The following RABGAP1L variants were observed in gnomAD, a reference collection of about 807,000 sequenced individuals.
RABGAP1L encodes rab GTPase-activating protein 1-like.
Under a neutral mutation model 137.7 loss-of-function variants are expected in RABGAP1L, and 63 were observed. That is an observed-to-expected ratio of 0.46 (90% CI 0.37 to 0.56). The LOEUF (loss-of-function observed/expected upper bound fraction) is 0.56. Ranked by LOEUF, RABGAP1L falls within the 20% of genes least tolerant of loss-of-function variation. RABGAP1L has a pLI of 0.00. For synonymous variants in RABGAP1L, 431 were observed against 433.7 expected (o/e 0.99, Z 0.08); for missense variants, 1,095 against 1,244.0 (o/e 0.88, Z 1.80).
chr1:174,934,360 T>C (rs1664373873), intron 19 of RABGAP1L, among the ~76,000 whole-genome samples: 1 of 152,188 alleles, frequency 6.6e-6, no homozygotes, highest in Non-Finnish European at 1.5e-5. Context: ...GTGCTGGGAT[T>C]ACAGGCATGA....
intron 13 of RABGAP1L, among the ~76,000 whole-genome samples, chr1:174,479,661 T>C (rs1658883907): frequency 1.3e-5 from 2 of 152,218 alleles, no homozygotes; most frequent in Admixed American, 1.3e-4. Context: ...AGTATAAATT[T>C]GCATGCTTTT....
At chr1:174,585,395 A>G (rs1020070711) in intron 13 of RABGAP1L, among the ~76,000 whole-genome samples, 2 of 152,162 alleles carry the variant, frequency 1.3e-5, no homozygotes, top group Non-Finnish European at 2.9e-5. Flanking sequence ...GAAAGAGTAT[A>G]TAGTGCTTTA....
At chr1:174,502,998 G>C (rs1204437680) in intron 13 of RABGAP1L, among the ~76,000 whole-genome samples, 1 of 152,160 alleles carries the variant, frequency 6.6e-6, no homozygotes, top group African/African-American at 2.4e-5. Context: ...GTGTATGTGT[G>C]TTCATTCATG....
chr1:174,888,838 G>A (rs1247933079), intron 19 of RABGAP1L, among the ~76,000 whole-genome samples: 1 of 152,062 alleles, frequency 6.6e-6, no homozygotes, highest in African/African-American at 2.4e-5. Context: ...GCCCAGCATT[G>A]TGCCTGGGGG....
intron 13 of RABGAP1L, among the ~76,000 whole-genome samples, chr1:174,400,861 C>T (rs901391495): frequency 4.6e-5 from 7 of 151,846 alleles, no homozygotes; most frequent in African/African-American, 9.7e-5. Flanking sequence ...AGAATAGGGC[C>T]GGGATTACAA....
chr1:174,388,974 C>CT (rs1189696763), intron 12 of RABGAP1L, among the ~76,000 whole-genome samples: 3 of 152,008 alleles, frequency 2.0e-5, no homozygotes, highest in African/African-American at 7.2e-5. Context: ...CATTCAATGA[C>CT]TTTTATCCCC....
intron 18 of RABGAP1L, among the ~76,000 whole-genome samples, chr1:174,788,077 G>A (rs1265038221): frequency 6.6e-6 from 1 of 152,158 alleles, no homozygotes; most frequent in Non-Finnish European, 1.5e-5. Flanking sequence ...CTCACTTATG[G>A]CATTTAGTGA....
intron 19 of RABGAP1L, among the ~76,000 whole-genome samples, chr1:174,862,510 G>T (rs1461327064): frequency 1.3e-5 from 2 of 152,072 alleles, no homozygotes; most frequent in African/African-American, 4.8e-5. Flanking sequence ...AATGATCACT[G>T]TTTTGATAAA....
chr1:174,360,922 C>A (rs1216022128), intron 11 of RABGAP1L, among the ~76,000 whole-genome samples: 1 of 152,040 alleles, frequency 6.6e-6, no homozygotes, highest in East Asian at 1.9e-4. Flanking sequence ...TTTGGGAGGC[C>A]AAGGCAGGTG....
chr1:174,805,993 A>G (rs913687), intron 18 of RABGAP1L, among the ~76,000 whole-genome samples: 92,673 of 152,112 alleles, frequency 0.61, 31,260 homozygotes, highest in East Asian at 0.93. Context: ...TGAAAGCAAT[A>G]TAGAAAAGCT....
At chr1:174,524,012 C>T (rs116025513) in intron 13 of RABGAP1L, among the ~76,000 whole-genome samples, 3,199 of 152,252 alleles carry the variant, frequency 0.021, 118 homozygotes, top group African/African-American at 0.074. Flanking sequence ...ATATGTACAA[C>T]ATTTTCTTTA....
At chr1:174,321,314 C>T (rs1679953722) in intron 11 of RABGAP1L, among the ~76,000 whole-genome samples, 1 of 152,184 alleles carries the variant, frequency 6.6e-6, no homozygotes, top group African/African-American at 2.4e-5. Context: ...TGATCTCGCT[C>T]TGCCCCCATT....
chr1:174,367,296 G>A (rs1225295236), intron 11 of RABGAP1L: 1 of 153,572 alleles, frequency 6.5e-6, no homozygotes, highest in Non-Finnish European at 1.4e-5. Context: ...TGAAGGTATA[G>A]CAGTATGAAT....
intron 15 of RABGAP1L, among the ~76,000 whole-genome samples, chr1:174,698,673 T>G (rs1362179296): frequency 6.6e-6 from 1 of 152,012 alleles, no homozygotes; most frequent in Non-Finnish European, 1.5e-5. Context: ...TGTAATTGCT[T>G]TTAAAAAAAT....
chr1:174,209,724 T>A (rs960164825), intron 1 of RABGAP1L, among the ~76,000 whole-genome samples: 1 of 152,190 alleles, frequency 6.6e-6, no homozygotes, highest in African/African-American at 2.4e-5. Context: ...ACCTGTTGAT[T>A]ATACAGCATC....
chr1:174,980,615 G>A (rs1050955960), intron 23 of RABGAP1L, among the ~76,000 whole-genome samples: 1 of 152,198 alleles, frequency 6.6e-6, no homozygotes, highest in Non-Finnish European at 1.5e-5. Flanking sequence ...AATTCATTTG[G>A]TAAGAGATTC....
chr1:174,786,544 GTCA>G (rs1687457853), intron 18 of RABGAP1L, among the ~76,000 whole-genome samples: 2 of 152,166 alleles, frequency 1.3e-5, no homozygotes, highest in Admixed American at 1.3e-4. Context: ...AGAGAACTAG[GTCA>G]TCATCATGAG....
At chr1:174,361,220 G>GTTTTTTT (rs1684114878) in intron 11 of RABGAP1L, among the ~76,000 whole-genome samples, 1 of 131,242 alleles carries the variant, frequency 7.6e-6, no homozygotes, top group Non-Finnish European at 1.6e-5. Flanking sequence ...GATTGCTCCA[G>GTTTTTTT]TTTTGTTTTT....
At chr1:174,914,303 A>G (rs533293257) in intron 19 of RABGAP1L, among the ~76,000 whole-genome samples, 1 of 152,358 alleles carries the variant, frequency 6.6e-6, no homozygotes, top group East Asian at 1.9e-4. Context: ...GGGGAAAGGA[A>G]GAGAGAATAC....
Sources: gnomAD v4.1 joint callset for allele counts (sites outside exome capture counted in the v4.1 genomes callset) on GRCh38, gnomAD v4.1.1 for gene constraint, MANE v1.5 for transcripts, NCBI Gene and HGNC (gene_info 2026-07-23, HGNC 2026-07-21) for gene names.